RNF217: variants seen among roughly 807,000 people sequenced by gnomAD.
RNF217 encodes E3 ubiquitin-protein ligase RNF217.
Under a neutral mutation model 57.8 loss-of-function variants are expected in RNF217, and 31 were observed. The observed-to-expected ratio is 0.54, with a 90% CI of 0.40 to 0.72. The LOEUF is 0.72. Among genes scored for constraint, RNF217 ranks in the 30% least tolerant of loss-of-function variants. RNF217 has a pLI of 0.00. For synonymous variants in RNF217, 313 were observed against 294.0 expected, an observed-to-expected ratio of 1.06 and a Z score of -0.66; for missense variants, 696 against 708.3, an observed-to-expected ratio of 0.98 and a Z score of 0.20.
chr6:125,070,006 T>G (rs1189122891), intron 3 of RNF217, among the ~76,000 whole-genome samples: 1 of 152,060 alleles, frequency 6.6e-6, no homozygotes, highest in African/African-American at 2.4e-5. Flanking sequence ...CCTTTCCCAC[T>G]CTTACCTCCT....
intron 1 of RNF217, among the ~76,000 whole-genome samples, chr6:125,043,535 C>A (rs1786969006): frequency 6.6e-6 from 1 of 151,956 alleles, no homozygotes; most frequent in African/African-American, 2.4e-5. Flanking sequence ...TAAATGCCTA[C>A]AGAATATTAA....
intron 3 of RNF217, among the ~76,000 whole-genome samples, chr6:125,071,491 T>C (rs1369395124): frequency 3.8e-5 from 1 of 26,648 alleles, no homozygotes; most frequent in Non-Finnish European, 8.6e-5. Context: ...CATATGTGTG[T>C]GTGTGTGTGT....
chr6:125,016,256 T>C (rs1785598387), intron 1 of RNF217, among the ~76,000 whole-genome samples: 1 of 152,124 alleles, frequency 6.6e-6, no homozygotes, highest in African/African-American at 2.4e-5. Context: ...AACACCTAAT[T>C]GTAGGCAAGA....
chr6:125,045,507 C>A, intron 2 of RNF217, 63 bp downstream of exon 2: 1 of 1,265,618 alleles, frequency 7.9e-7, no homozygotes. Flanking sequence ...AGATTAGATC[C>A]ACTTGTCGTG....
In RNF217 at chr6:125,085,197, AC is replaced by A. The variant is rs1788738332; in HGVS notation, c.*2261del. The A allele has an allele frequency of 6.6e-6, 1 of 151,880 alleles. No individual in the cohort carries two copies. The highest frequency in any genetic ancestry group is 6.6e-5 in the Admixed American group (1 of 15,218). 9.4% of individuals were successfully genotyped at this position (151,880 alleles called of 1,614,324 possible). A position where few individuals can be genotyped will look rare whatever the true frequency, so the allele number is the denominator to read the frequency against. ...TCAGGGATTTTTATTTCTTTAAATA[AC>A]TTATCTTTTGGACATATTTTTATAT... On this transcript the variant is annotated 3_prime_UTR_variant, in exon 6 of 6. Coordinates refer to ENST00000521654, the MANE Select transcript of RNF217 (RefSeq NM_001286398.3).
At position 124,988,392 on chromosome 6, in the gene RNF217, T is replaced by C. The variant is rs909637185; in HGVS notation, c.882+24966T>C. The stretch of plus-strand genomic sequence containing the variant: ...ACTGCTAACTCATCAAATTACTGGC[T>C]AAGGCACATCAGGATATTCAGCTTC... On this transcript the variant is annotated intron_variant, in intron 1 of 5. Coordinates refer to ENST00000521654, the MANE Select transcript of RNF217 (RefSeq NM_001286398.3). Among the ~76,000 whole-genome samples, 4 of 152,210 alleles carry C rather than the reference T, an allele frequency of 2.6e-5. No homozygotes were observed. The East Asian group carries it at 7.7e-4, about 29-fold the overall frequency.
Position 125,092,048 on chromosome 6 carries a change from G to C in RNF217, c.*9111G>C, listed in dbSNP as rs1477860642. On this transcript the variant is annotated 3_prime_UTR_variant, in exon 6 of 6. Coordinates refer to ENST00000521654, the MANE Select transcript of RNF217 (RefSeq NM_001286398.3). ...AAGACAAAGACAGGTTGTATATGCA[G>C]TTATGTGTAAATATTTGACAAAGAA... 2 of 151,810 alleles carry C rather than the reference G, an allele frequency of 1.3e-5. No individual in the cohort carries two copies. The highest frequency in any genetic ancestry group is 2.9e-5 in the Non-Finnish European group (2 of 67,990). The allele number at this position is 151,810 out of a possible 1,614,324, so 9.4% of individuals were successfully genotyped here.
At chr6:125,045,665 GA>G (rs886142445) in intron 2 of RNF217, among the ~76,000 whole-genome samples, 4 of 152,160 alleles carry the variant, frequency 2.6e-5, no homozygotes, top group African/African-American at 9.6e-5. Flanking sequence ...TAACCATGTT[GA>G]AAATTAATCT....
chr6:125,020,833 A>G (rs1231630811), intron 1 of RNF217, among the ~76,000 whole-genome samples: 13 of 152,250 alleles, frequency 8.5e-5, no homozygotes, highest in Admixed American at 8.5e-4. Flanking sequence ...AAAGCTTACA[A>G]TTAGTAAGAT....
chr6:125,021,256 A>T (rs1050880607), intron 1 of RNF217, among the ~76,000 whole-genome samples: 2 of 141,560 alleles, frequency 1.4e-5, no homozygotes, highest in African/African-American at 5.1e-5. Context: ...GACAGTAATA[A>T]CATGGAAAAA....
chr6:125,057,362 C>T (rs522238), intron 2 of RNF217, among the ~76,000 whole-genome samples: 1 of 151,714 alleles, frequency 6.6e-6, no homozygotes, highest in Non-Finnish European at 1.5e-5. Flanking sequence ...TTATATTTTT[C>T]GTAGAGATGG....
chr6:125,072,453 G>A (rs187911248), intron 3 of RNF217, among the ~76,000 whole-genome samples: 3 of 152,208 alleles, frequency 2.0e-5, no homozygotes, highest in Non-Finnish European at 2.9e-5. Context: ...TTGACCAACG[G>A]TATTTTAGTT....
rs533961596 is a variant in RNF217, at chr6:125,088,053, C to T, written c.*5116C>T. ...TTTTTTTTTGAGACAGAGGTTCTCT[C>T]AATGTTGCCCAGGCTGGTCTCAAAC... On this transcript the variant is annotated 3_prime_UTR_variant, in exon 6 of 6. Coordinates refer to ENST00000521654, the MANE Select transcript of RNF217 (RefSeq NM_001286398.3). 8 of 127,632 alleles carry T rather than the reference C, an allele frequency of 6.3e-5. No individual in the cohort carries two copies. Among genetic ancestry groups the T allele is most frequent in the African/African-American group, 2.4e-4 (8 of 33,080 alleles). The allele number at this position is 127,632 out of a possible 1,614,324, so 7.9% of individuals were successfully genotyped here. A position where few individuals can be genotyped will look rare whatever the true frequency, so the allele number is the denominator to read the frequency against.
chr6:124,982,748 G>T (rs1397056913), intron 1 of RNF217, among the ~76,000 whole-genome samples: 6 of 152,118 alleles, frequency 3.9e-5, no homozygotes, highest in South Asian at 2.1e-4. Flanking sequence ...GCAAACACTG[G>T]TTTCTCAAGT....
At chr6:125,054,390 C>A (rs1787444742) in intron 2 of RNF217, among the ~76,000 whole-genome samples, 1 of 152,150 alleles carries the variant, frequency 6.6e-6, no homozygotes, top group African/African-American at 2.4e-5. Flanking sequence ...CCAGGCAGGC[C>A]TCATAGAGAA....
chr6:125,072,077 G>C (rs1410408612), intron 3 of RNF217, among the ~76,000 whole-genome samples: 1 of 152,140 alleles, frequency 6.6e-6, no homozygotes, highest in African/African-American at 2.4e-5. Context: ...CACTGTTAAA[G>C]TGAGACTGAT....
chr6:125,000,177 T>C lies in RNF217; in HGVS notation c.882+36751T>C, dbSNP rs182145045. Among the ~76,000 whole-genome samples, 881 of 152,302 alleles carry C rather than the reference T, an allele frequency of 5.8e-3. 3 individuals carry two copies. Among genetic ancestry groups the C allele is most frequent in the Non-Finnish European group, 8.3e-3 (565 of 68,000 alleles). On this transcript the variant is annotated intron_variant, in intron 1 of 5. Coordinates refer to ENST00000521654, the MANE Select transcript of RNF217 (RefSeq NM_001286398.3). ...AGTGCTTGGCAAATAGTATTAATAGTATAAAACCTTGCCACATCGTACCAT... is the reference window on the plus strand; with the variant it reads ...AGTGCTTGGCAAATAGTATTAATAGCATAAAACCTTGCCACATCGTACCAT...
chr6:125,057,808 A>T, intron 2 of RNF217, 134 bp from the exon 3 acceptor site: 1 of 628,754 alleles, frequency 1.6e-6, no homozygotes, highest in Non-Finnish European at 2.6e-6. Flanking sequence ...ATCTTCCTGT[A>T]GTTTGAGTCT....
intron 1 of RNF217, among the ~76,000 whole-genome samples, chr6:124,991,772 C>T (rs2051391353): frequency 6.6e-6 from 1 of 152,070 alleles, no homozygotes; most frequent in African/African-American, 2.4e-5. Flanking sequence ...GTGCTAATAG[C>T]CACATGGTAC....
Sources: allele counts gnomAD v4.1 joint callset (sites outside exome capture counted in the v4.1 genomes callset), GRCh38; gene constraint gnomAD v4.1.1; transcripts MANE v1.5; gene names NCBI Gene and HGNC (gene_info 2026-07-23, HGNC 2026-07-21).